DOCK9: variants seen among roughly 807,000 people sequenced by gnomAD.
The protein encoded by DOCK9 is dedicator of cytokinesis 9.
In DOCK9, 89 loss-of-function variants were observed where a neutral mutation model predicts 263.3. The observed-to-expected ratio is 0.34, with a 90% CI of 0.28 to 0.40. The LOEUF is 0.40. Ranked by LOEUF, DOCK9 falls within the 10% of genes least tolerant of loss-of-function variation. The pLI is 1.00. For missense variants in DOCK9, 2,140 were observed against 2,603.4 expected, an observed-to-expected ratio of 0.82 and a Z score of 3.87; for synonymous variants, 976 against 973.1, an observed-to-expected ratio of 1.00 and a Z score of -0.06.
chr13:98,809,373 G>A lies in DOCK9; in HGVS notation c.5346C>T (p.Phe1782=). 3.1e-6 allele frequency: 5 copies of A among 1,613,848 alleles called. No individual in the cohort carries two copies. Among genetic ancestry groups the A allele is most frequent in the Non-Finnish European group, 3.4e-6 (4 of 1,179,874 alleles). The change falls in exon 47 of 53, where the codon TTC becomes TTT. Residue 1782 remains phenylalanine, a synonymous_variant. Coordinates refer to ENST00000682017, the MANE Select transcript of DOCK9 (RefSeq NM_001366683.2). The part of the protein sequence containing the change: ...HSGRRLLGTY[F]RVAFFGQGFF... ...TCACCTGCCCGAAGAAGGCTACCCG[G>A]AAGTAGGTCCCCAGAAGCCTGCGGC... is the stretch of plus-strand genomic sequence containing the variant.
intron 38 of DOCK9, among the ~76,000 whole-genome samples, chr13:98,842,429 G>A (rs554265212): frequency 2.0e-5 from 3 of 152,296 alleles, no homozygotes; most frequent in Non-Finnish European, 2.9e-5. Context: ...CAAATTATAT[G>A]AAATCCAGAT....
intron 1 of DOCK9, among the ~76,000 whole-genome samples, chr13:99,061,667 G>A (rs1266653822): frequency 6.6e-6 from 1 of 152,010 alleles, no homozygotes; most frequent in Non-Finnish European, 1.5e-5. Flanking sequence ...ATCCCAGTGA[G>A]GTTTCCCTGG....
chr13:98,919,253 G>A (rs1409114113), intron 7 of DOCK9, among the ~76,000 whole-genome samples: 10 of 151,982 alleles, frequency 6.6e-5, no homozygotes, highest in Non-Finnish European at 1.0e-4. Context: ...GGGATTACAC[G>A]CACCCACCAC....
intron 15 of DOCK9, 68 bp from the exon 16 acceptor site, chr13:98,888,779 C>T: frequency 7.5e-7 from 1 of 1,339,458 alleles, no homozygotes. Flanking sequence ...TCTAGAGCAG[C>T]ACTTCCAAGA....
chr13:98,925,719 A>C (rs1408980560), intron 4 of DOCK9, 118 bp downstream of exon 4: 3 of 656,592 alleles, frequency 4.6e-6, no homozygotes, highest in Non-Finnish European at 7.5e-6. Flanking sequence ...CCACATACAC[A>C]TAAACCATCT....
chr13:98,934,314 G>T (rs1160459078), intron 2 of DOCK9, among the ~76,000 whole-genome samples: 2 of 152,078 alleles, frequency 1.3e-5, no homozygotes, highest in African/African-American at 4.8e-5. Flanking sequence ...GAAGTACAAG[G>T]TAGCCATAAA....
At chr13:98,836,153 G>A (rs1481670300) in intron 39 of DOCK9, among the ~76,000 whole-genome samples, 1 of 152,114 alleles carries the variant, frequency 6.6e-6, no homozygotes, top group Non-Finnish European at 1.5e-5. Flanking sequence ...GACTGCACTT[G>A]TGCCCCGTGT....
intron 1 of DOCK9, 30 bp downstream of exon 1, chr13:98,977,738 CCAGCATTGGGTAGACA>C: frequency 6.3e-7 from 1 of 1,595,000 alleles, no homozygotes; most frequent in Non-Finnish European, 8.5e-7. Flanking sequence ...CAATAAGAAC[CCAGCATTGGGTAGACA>C]CAGCAACACT....
chr13:99,075,018 A>T (rs964772300), intron 1 of DOCK9, among the ~76,000 whole-genome samples: 7 of 152,236 alleles, frequency 4.6e-5, no homozygotes, highest in African/African-American at 1.7e-4. Context: ...GTTATGATTT[A>T]ATGTTGCATC....
intron 45 of DOCK9, 122 bp from the exon 46 acceptor site, chr13:98,810,413 A>G (rs2140250291): frequency 8.4e-7 from 1 of 1,197,026 alleles, no homozygotes; most frequent in Non-Finnish European, 1.2e-6. Flanking sequence ...GACAACATGC[A>G]TCAACACTCA....
chr13:99,071,290 T>C (rs7318226), intron 1 of DOCK9, among the ~76,000 whole-genome samples: 1 of 145,624 alleles, frequency 6.9e-6, no homozygotes, highest in East Asian at 2.0e-4. Flanking sequence ...CTACAGGTGC[T>C]TGCCACCATG....
At position 98,835,733 on chromosome 13, in the gene DOCK9, C is replaced by CTT. The variant is rs142745340; in HGVS notation, c.4314+1759_4314+1760dup. 9.2e-4 allele frequency among the ~76,000 whole-genome samples: 73 copies of CTT among 79,400 alleles called. 4 individuals carry two copies. In the South Asian group the frequency reaches 0.027, roughly 29 times the overall value. 52.1% of individuals were successfully genotyped at this position (79,400 alleles called of 152,430 possible). ...GTGACAAATACTCTTCTTTACAACT[C>CTT]TTTTTTTTTTTTTTTTTTTTTTTTT... On this transcript the variant is annotated intron_variant, in intron 39 of 52. Transcript: ENST00000682017.
At chr13:98,920,132 G>T (rs748333812) in intron 7 of DOCK9, among the ~76,000 whole-genome samples, 5 of 152,162 alleles carry the variant, frequency 3.3e-5, no homozygotes, top group Non-Finnish European at 7.3e-5. Flanking sequence ...TGCAAAACTG[G>T]TAGTAGCTCC....
chr13:98,809,162 A>G, intron 47 of DOCK9, 190 bp downstream of exon 47: 2 of 1,518,912 alleles, frequency 1.3e-6, no homozygotes, highest in Non-Finnish European at 1.8e-6. Flanking sequence ...ACAGGAAGAA[A>G]GAAAAAAAGC....
rs1293864655 is a variant in DOCK9, at chr13:98,824,488, T to G, written c.5040A>C (p.Gly1680=). Residue 1680 remains glycine (G), a synonymous_variant, in exon 45 of 53, where the codon GGA becomes GGC. Transcript: ENST00000682017. ...GGGTAATGACCCTGAAGGCGGTGCA[T>G]CCTTGTCTAAACACGCCTAGGAAGA... ...YLTRKGVFRQ[G]CTAFRVITPN... The G allele has an allele frequency of 6.2e-7, 1 of 1,613,756 alleles. No individual in the cohort carries two copies. The highest frequency in any genetic ancestry group is 2.2e-5 in the East Asian group (1 of 44,866).
chr13:98,905,420 G>A (rs2048934670), intron 9 of DOCK9, among the ~76,000 whole-genome samples: 1 of 152,148 alleles, frequency 6.6e-6, no homozygotes, highest in Non-Finnish European at 1.5e-5. Flanking sequence ...GGACTAGGGG[G>A]TGGTCGTCAG....
chr13:99,020,976 C>T (rs1886020954), intron 1 of DOCK9, among the ~76,000 whole-genome samples: 1 of 152,200 alleles, frequency 6.6e-6, no homozygotes, highest in African/African-American at 2.4e-5. Flanking sequence ...ATTATGATAG[C>T]CAGTCCATTT....
At chr13:98,814,406 C>CTTTTT (rs36080691) in intron 45 of DOCK9, among the ~76,000 whole-genome samples, 219 of 139,116 alleles carry the variant, frequency 1.6e-3, no homozygotes, top group East Asian at 3.7e-3. Context: ...AGAAGTACGT[C>CTTTTT]TTTTTTTTTT....
intron 1 of DOCK9, among the ~76,000 whole-genome samples, chr13:99,006,194 T>A (rs1000017445): frequency 2.0e-5 from 3 of 152,232 alleles, no homozygotes; most frequent in African/African-American, 7.2e-5. Flanking sequence ...TGTTATCTTT[T>A]GTTTCTCAAA....
Sources: allele counts gnomAD v4.1 joint callset (sites outside exome capture counted in the v4.1 genomes callset), GRCh38; gene constraint gnomAD v4.1.1; transcripts MANE v1.5; gene names NCBI Gene and HGNC (gene_info 2026-07-23, HGNC 2026-07-21).